Variants in PPARGC1A observed in about 807,000 individuals in gnomAD.
The protein encoded by PPARGC1A is PPARG coactivator 1 alpha.
In PPARGC1A, 25 loss-of-function variants were observed where a neutral mutation model predicts 88.7. That is an observed-to-expected ratio of 0.28 (90% CI 0.21 to 0.39). PPARGC1A has a LOEUF of 0.39. Among genes scored for constraint, PPARGC1A ranks in the 10% least tolerant of loss-of-function variants. The probability of loss-of-function intolerance (pLI) is 1.00; values close to 1 mark genes in which losing one functional copy is unlikely to be tolerated. For missense variants in PPARGC1A, 880 were observed against 968.7 expected (o/e 0.91, Z 1.22); for synonymous variants, 363 against 355.6 (o/e 1.02, Z -0.24).
chr4:23,924,357 G>A, the PPARGC1A span, among the ~76,000 whole-genome samples: 1 of 152,196 alleles, frequency 6.6e-6, no homozygotes, highest in Non-Finnish European at 1.5e-5. Flanking sequence ...GCCAGGCGTG[G>A]TGCCTCGTGT....
intron 2 of PPARGC1A, among the ~76,000 whole-genome samples, chr4:23,840,127 T>G (rs1019382971): frequency 6.6e-6 from 1 of 152,050 alleles, no homozygotes; most frequent in Non-Finnish European, 1.5e-5. Flanking sequence ...CTCCGTGGCT[T>G]CTCATGTCTC....
chr4:24,107,617 G>A, the PPARGC1A span, among the ~76,000 whole-genome samples: 2 of 152,196 alleles, frequency 1.3e-5, no homozygotes, highest in Non-Finnish European at 2.9e-5. Context: ...TGTAGAGCAT[G>A]TTCAGACAAT....
chr4:24,010,966 T>G, the PPARGC1A span, among the ~76,000 whole-genome samples: 6 of 152,138 alleles, frequency 3.9e-5, no homozygotes, highest in African/African-American at 1.4e-4. Context: ...AGGGAAATGC[T>G]TGGGACCATC....
At chr4:23,834,976 C>T (rs1293049379) in intron 2 of PPARGC1A, among the ~76,000 whole-genome samples, 1 of 152,162 alleles carries the variant, frequency 6.6e-6, no homozygotes, top group Non-Finnish European at 1.5e-5. Flanking sequence ...TACACATGCA[C>T]ACACAGACAC....
chr4:23,890,227 A>T (rs1717624580), upstream of PPARGC1A: 1 of 492,414 alleles, frequency 2.0e-6, no homozygotes, highest in South Asian at 9.6e-5. Context: ...TAAAAAAAAA[A>T]AAAAAGAAAG....
At chr4:23,844,681 TATC>T (rs1477708688) in intron 2 of PPARGC1A, among the ~76,000 whole-genome samples, 4 of 102,312 alleles carry the variant, frequency 3.9e-5, no homozygotes, top group Admixed American at 1.5e-4. Flanking sequence ...TAATAATATA[TATC>T]ATATAATATA....
upstream of PPARGC1A, among the ~76,000 whole-genome samples, chr4:23,901,493 G>A (rs1240938908): frequency 4.7e-5 from 7 of 150,516 alleles, no homozygotes; most frequent in Non-Finnish European, 8.9e-5. Flanking sequence ...GCAGTGAGCC[G>A]AGATTGTGCC....
the PPARGC1A span, among the ~76,000 whole-genome samples, chr4:24,352,466 A>G: frequency 8.5e-5 from 13 of 152,198 alleles, no homozygotes; most frequent in Non-Finnish European, 1.6e-4. Flanking sequence ...GTCATTCAAC[A>G]TCCCATAGGT....
chr4:24,028,245 A>G, the PPARGC1A span, among the ~76,000 whole-genome samples: 1 of 152,160 alleles, frequency 6.6e-6, no homozygotes, highest in Non-Finnish European at 1.5e-5. Context: ...TAAAATGACA[A>G]AATAAAACAA....
chr4:24,430,255 CTTTTT>C, the PPARGC1A span, among the ~76,000 whole-genome samples: 1 of 110,772 alleles, frequency 9.0e-6, no homozygotes. Flanking sequence ...TTTTGTATTT[CTTTTT>C]TTTTTTTTTT....
chr4:24,077,185 A>G, the PPARGC1A span, among the ~76,000 whole-genome samples: 1 of 152,216 alleles, frequency 6.6e-6, no homozygotes, highest in South Asian at 2.1e-4. Context: ...CCTTCACTCA[A>G]GGAATATCTT....
At chr4:23,848,816 G>T (rs1400062512) in intron 2 of PPARGC1A, among the ~76,000 whole-genome samples, 1 of 151,962 alleles carries the variant, frequency 6.6e-6, no homozygotes, top group Non-Finnish European at 1.5e-5. Context: ...TCATATACAG[G>T]CCTGTGTCCT....
the PPARGC1A span, among the ~76,000 whole-genome samples, chr4:24,179,970 C>T: frequency 2.0e-5 from 3 of 152,068 alleles, no homozygotes; most frequent in Admixed American, 6.6e-5. Context: ...TTCATAGATC[C>T]TACCCACCAT....
chr4:24,470,941 G>A, the PPARGC1A span, among the ~76,000 whole-genome samples: 1 of 151,730 alleles, frequency 6.6e-6, no homozygotes, highest in African/African-American at 2.4e-5. The surrounding 1 kb of genome is among the most constrained non-coding windows in gnomAD (Gnocchi z 5.8). Flanking sequence ...AGGCGGCGGC[G>A]GCGAACATTT....
At chr4:24,432,186 G>A in the PPARGC1A span, among the ~76,000 whole-genome samples, 3 of 152,204 alleles carry the variant, frequency 2.0e-5, no homozygotes, top group South Asian at 2.1e-4. Context: ...AAATTGTAAG[G>A]TAGCGGTAAA....
At chr4:24,058,245 A>G in the PPARGC1A span, among the ~76,000 whole-genome samples, 4 of 152,224 alleles carry the variant, frequency 2.6e-5, no homozygotes, top group Non-Finnish European at 5.9e-5. Context: ...CTCATGGTCC[A>G]AGGCTAATCA....
chr4:23,839,271 A>G (rs1049199670), intron 2 of PPARGC1A, among the ~76,000 whole-genome samples: 8 of 152,178 alleles, frequency 5.3e-5, no homozygotes, highest in African/African-American at 1.9e-4. Flanking sequence ...GAAGTTCAAC[A>G]GAAAGTCCTA....
chr4:24,029,524 A>T, the PPARGC1A span, among the ~76,000 whole-genome samples: 3 of 152,148 alleles, frequency 2.0e-5, no homozygotes, highest in Non-Finnish European at 4.4e-5. Context: ...GTGTGGTAAA[A>T]ATCATCTCGG....
chr4:24,106,111 G>A, the PPARGC1A span, among the ~76,000 whole-genome samples: 5 of 152,074 alleles, frequency 3.3e-5, no homozygotes, highest in African/African-American at 9.7e-5. Flanking sequence ...CCCGCCCCCG[G>A]ATGCCCTCAC....
Sources: gnomAD v4.1 joint callset for allele counts (sites outside exome capture counted in the v4.1 genomes callset) on GRCh38, gnomAD v4.1.1 for gene constraint, Gnocchi (gnomAD v3.1) non-coding constraint, MANE v1.5 for transcripts, NCBI Gene and HGNC (gene_info 2026-07-23, HGNC 2026-07-21) for gene names.